Variants in GRIN2B observed in about 807,000 individuals in gnomAD.
The protein encoded by GRIN2B is glutamate receptor ionotropic, NMDA 2B.
Under a neutral mutation model 114.5 loss-of-function variants are expected in GRIN2B, and 5 were observed. The observed-to-expected ratio is 0.04, with a 90% confidence interval of 0.02 to 0.09. GRIN2B has a LOEUF of 0.09. Among genes scored for constraint, GRIN2B ranks in the 10% least tolerant of loss-of-function variants. The probability of loss-of-function intolerance (pLI) is 1.00; values close to 1 mark genes in which losing one functional copy is unlikely to be tolerated. For synonymous variants in GRIN2B, 787 were observed against 745.1 expected, an observed-to-expected ratio of 1.06 and a Z score of -0.92; for missense variants, 1,108 against 1,943.5, an observed-to-expected ratio of 0.57 and a Z score of 8.08.
At chr12:13,743,278 T>G (rs1357701871) in intron 4 of GRIN2B, among the ~76,000 whole-genome samples, 3 of 152,200 alleles carry the variant, frequency 2.0e-5, no homozygotes, top group Non-Finnish European at 4.4e-5. Flanking sequence ...TCTTCATGAC[T>G]GTTGGTTATG....
intron 4 of GRIN2B, among the ~76,000 whole-genome samples, chr12:13,693,772 T>C (rs1950234557): frequency 1.3e-5 from 2 of 152,172 alleles, no homozygotes; most frequent in African/African-American, 4.8e-5. Context: ...ACTCCCCTAC[T>C]CTCTGCCTTG....
At chr12:13,893,338 G>A (rs1419046923) in intron 2 of GRIN2B, among the ~76,000 whole-genome samples, 2 of 152,062 alleles carry the variant, frequency 1.3e-5, no homozygotes, top group Non-Finnish European at 2.9e-5. Flanking sequence ...GACAGATAGT[G>A]GAGGGGAGGG....
chr12:13,917,256 T>C (rs1866750598), intron 2 of GRIN2B, among the ~76,000 whole-genome samples: 1 of 152,108 alleles, frequency 6.6e-6, no homozygotes, highest in South Asian at 2.1e-4. Flanking sequence ...ACCCTGCTAA[T>C]CAAAACTGCT....
At chr12:13,668,660 G>A (rs1380559815) in intron 5 of GRIN2B, among the ~76,000 whole-genome samples, 5 of 152,022 alleles carry the variant, frequency 3.3e-5, no homozygotes. Context: ...ATTGTCGTAA[G>A]TAAAACACAC....
At chr12:13,940,406 T>G (rs938018368) in intron 2 of GRIN2B, among the ~76,000 whole-genome samples, 1 of 152,002 alleles carries the variant, frequency 6.6e-6, no homozygotes, top group Non-Finnish European at 1.5e-5. Context: ...ATTTCTTACC[T>G]TGCCGTTTGT....
chr12:13,942,955 C>A (rs1867286993), intron 2 of GRIN2B, among the ~76,000 whole-genome samples: 1 of 152,126 alleles, frequency 6.6e-6, no homozygotes, highest in Admixed American at 6.6e-5. Context: ...ACATCCTTGA[C>A]CCCTCTGGTC....
rs371124146 is a variant in GRIN2B at position 13,727,689 on chromosome 12, G to T, written c.1010+25628C>A. On this transcript the variant is annotated intron_variant, in intron 4 of 13. Transcript: ENST00000609686. ...GCAGAGTTTGTGAAATGGTGACAGG[G>T]ATAGAGACTCAGATGGTCATTGTTT... 2.0e-5 allele frequency among the ~76,000 whole-genome samples: 3 copies of T among 152,292 alleles called. No individual in the cohort carries two copies. In the South Asian group the frequency reaches 6.2e-4, roughly 32 times the overall value.
At chr12:13,577,582 G>A (rs1948793697) in intron 10 of GRIN2B, among the ~76,000 whole-genome samples, 1 of 152,198 alleles carries the variant, frequency 6.6e-6, no homozygotes, top group Non-Finnish European at 1.5e-5. Context: ...AGTAAGGGAA[G>A]TACGGATCTG....
chr12:13,791,827 T>C (rs1324165224), intron 3 of GRIN2B, among the ~76,000 whole-genome samples: 1 of 152,232 alleles, frequency 6.6e-6, no homozygotes, highest in African/African-American at 2.4e-5. Flanking sequence ...ATTATTCTCT[T>C]GTAGTTATTT....
intron 10 of GRIN2B, among the ~76,000 whole-genome samples, chr12:13,605,107 G>A (rs1056338605): frequency 3.3e-5 from 5 of 151,606 alleles, no homozygotes; most frequent in Non-Finnish European, 5.9e-5. Context: ...ACAACTTATG[G>A]TCATTGACTT....
At chr12:13,728,441 TC>T (rs1863029563) in intron 4 of GRIN2B, among the ~76,000 whole-genome samples, 1 of 152,200 alleles carries the variant, frequency 6.6e-6, no homozygotes. Context: ...CAGAATATTT[TC>T]CTTATATATG....
At chr12:13,704,778 C>T (rs529812017) in intron 4 of GRIN2B, among the ~76,000 whole-genome samples, 19 of 152,170 alleles carry the variant, frequency 1.2e-4, no homozygotes, top group Non-Finnish European at 2.5e-4. Context: ...GGTAAAAGGA[C>T]TTCTAAGTCC....
chr12:13,626,885 A>G lies in GRIN2B; in HGVS notation c.1126-10228T>C, dbSNP rs988665421. The stretch of plus-strand genomic sequence containing the variant: ...CCTCTTGTGAACTGCCCCTTCCTCA[A>G]CTCCACCCATGTGATCCTGTGGAGG... On this transcript the variant is annotated intron_variant, in intron 5 of 13. Transcript: ENST00000609686. 3.2e-5 allele frequency among the ~76,000 whole-genome samples: 4 copies of G among 124,084 alleles called. No individual in the cohort carries two copies. In the Admixed American group the frequency reaches 3.9e-4, roughly 12 times the overall value. The allele number at this position is 124,084 out of a possible 152,430, so 81.4% of individuals were successfully genotyped here.
Position 13,615,388 on chromosome 12 carries a change from T to C in GRIN2B, c.1500+105A>G. ...TGGGAACAATACATCTTATTTGCCA[T>C]TTTATATTTTCTGAAATGCATAAAG... On this transcript the variant is annotated intron_variant, in intron 7 of 13. Coordinates refer to ENST00000609686, the MANE Select transcript of GRIN2B (RefSeq NM_000834.5). This position sits in a 1 kb window ranked among gnomAD's most constrained non-coding sequence, Gnocchi z 5.8. 2.8e-6 allele frequency: 4 copies of C among 1,423,500 alleles called. No individual in the cohort carries two copies. The highest frequency in any genetic ancestry group is 2.3e-5 in the South Asian group (2 of 87,122). The allele number at this position is 1,423,500 out of a possible 1,614,324, so 88.2% of individuals were successfully genotyped here. A position where few individuals can be genotyped will look rare whatever the true frequency, so the allele number is the denominator to read the frequency against.
At chr12:13,905,728 G>C (rs1866525616) in intron 2 of GRIN2B, among the ~76,000 whole-genome samples, 1 of 152,156 alleles carries the variant, frequency 6.6e-6, no homozygotes, top group Admixed American at 6.5e-5. Flanking sequence ...TTCACTGCTG[G>C]AGGGTTCTTC....
chr12:13,606,654 T>G (rs147971288), intron 10 of GRIN2B, among the ~76,000 whole-genome samples: 78 of 152,298 alleles, frequency 5.1e-4, no homozygotes, highest in Admixed American at 2.1e-3. Context: ...GCTCTGAGGT[T>G]GTTCTTCACC....
chr12:13,942,921 T>C (rs1867286227), intron 2 of GRIN2B, among the ~76,000 whole-genome samples: 1 of 152,178 alleles, frequency 6.6e-6, no homozygotes, highest in Admixed American at 6.5e-5. Flanking sequence ...GTCGGAGTTA[T>C]CTTGCTTGGC....
At chr12:13,873,722 C>T (rs1045513348) in intron 2 of GRIN2B, among the ~76,000 whole-genome samples, 1 of 152,092 alleles carries the variant, frequency 6.6e-6, no homozygotes, top group African/African-American at 2.4e-5. Context: ...AGAAATATCT[C>T]CCTGGACATG....
intron 5 of GRIN2B, chr12:13,670,228 C>G (rs549146733): frequency 1.0e-3 from 119 of 119,500 alleles, no homozygotes; most frequent in African/African-American, 3.7e-3. Context: ...TTGGGGAGTC[C>G]AGAGAACGAT....
Sources: gnomAD v4.1 joint callset for allele counts (sites outside exome capture counted in the v4.1 genomes callset) on GRCh38, gnomAD v4.1.1 for gene constraint, Gnocchi (gnomAD v3.1) non-coding constraint, MANE v1.5 for transcripts, NCBI Gene and HGNC (gene_info 2026-07-23, HGNC 2026-07-21) for gene names.